The following ATXN7 variants were observed in gnomAD, a reference collection of about 807,000 sequenced individuals.
ATXN7 encodes ataxin 7.
Under a neutral mutation model 70.5 loss-of-function variants are expected in ATXN7, and 12 were observed. That is an observed-to-expected ratio of 0.17 (90% CI 0.11 to 0.28). The LOEUF (loss-of-function observed/expected upper bound fraction) is 0.28, where lower values mean the gene tolerates loss of function less well. Ranked by LOEUF, ATXN7 falls within the 10% of genes least tolerant of loss-of-function variation. The probability of loss-of-function intolerance (pLI) is 1.00; values close to 1 mark genes in which losing one functional copy is unlikely to be tolerated. For missense variants in ATXN7, 1,256 were observed against 1,131.7 expected (o/e 1.11, Z -1.58); for synonymous variants, 498 against 448.7 (o/e 1.11, Z -1.39).
rs114907003 is a variant in ATXN7 at position 63,878,180 on chromosome 3, T to C, written c.-111+14022T>C. 4.4e-3 allele frequency among the ~76,000 whole-genome samples: 667 copies of C among 152,282 alleles called. 6 individuals carry two copies. The highest frequency in any genetic ancestry group is 0.015 in the African/African-American group (618 of 41,552). ...GTCTGAAAAACTAGTAAAAGTGAAG[T>C]GACACACAGGGCAGCTTCCCCAGGC... On this transcript the variant is annotated intron_variant, in intron 1 of 12. Coordinates refer to ENST00000674280, the MANE Select transcript of ATXN7 (RefSeq NM_001377405.1).
intron 4 of ATXN7, among the ~76,000 whole-genome samples, chr3:63,936,791 T>A (rs1448292947): frequency 6.6e-6 from 1 of 152,228 alleles, no homozygotes; most frequent in East Asian, 1.9e-4. Flanking sequence ...TAATGATCTC[T>A]CCTTGAATAC....
Position 63,999,613 on chromosome 3 carries a change from TGTTTTAAC to T in ATXN7, c.*148_*155del. ...CAAGGGTAGAAACCTGCCGGGCTGTTGTTTTAACGAGGATTTCCCTGAAGCTATGTCTC... is the reference window on the plus strand; with the variant it reads ...CAAGGGTAGAAACCTGCCGGGCTGTTGAGGATTTCCCTGAAGCTATGTCTC... On this transcript the variant is annotated 3_prime_UTR_variant, in exon 13 of 13. Transcript: ENST00000674280. The T allele has an allele frequency of 7.0e-7, 1 of 1,429,706 alleles. No individual in the cohort carries two copies. The highest frequency in any genetic ancestry group is 1.7e-4 in the Middle Eastern group (1 of 5,764). 88.6% of individuals were successfully genotyped at this position (1,429,706 alleles called of 1,614,324 possible). A position where few individuals can be genotyped will look rare whatever the true frequency, so the allele number is the denominator to read the frequency against.
chr3:63,945,489 A>G (rs1323917311), intron 4 of ATXN7, among the ~76,000 whole-genome samples: 3 of 152,326 alleles, frequency 2.0e-5, no homozygotes, highest in Non-Finnish European at 4.4e-5. Flanking sequence ...TGAATGGCAT[A>G]CCCAATTCCA....
intron 4 of ATXN7, among the ~76,000 whole-genome samples, chr3:63,943,862 C>G (rs2074811730): frequency 6.6e-6 from 1 of 152,214 alleles, no homozygotes; most frequent in South Asian, 2.1e-4. Flanking sequence ...ATTGTATAGT[C>G]TCTTCCTGTC....
chr3:63,923,425 G>A (rs1704578727), intron 4 of ATXN7, among the ~76,000 whole-genome samples: 1 of 152,202 alleles, frequency 6.6e-6, no homozygotes, highest in African/African-American at 2.4e-5. Context: ...AGGGTAATGA[G>A]TTGGGGTTAG....
At chr3:63,982,150 C>T in intron 6 of ATXN7, 36 bp from the exon 7 acceptor site, 1 of 1,613,088 alleles carries the variant, frequency 6.2e-7, no homozygotes, top group Non-Finnish European at 8.5e-7. Context: ...TGCTGAGGCA[C>T]TCAGGCACTG....
chr3:63,878,495 A>G (rs1702809927), intron 1 of ATXN7: 2 of 152,276 alleles, frequency 1.3e-5, no homozygotes, highest in African/African-American at 4.8e-5. Context: ...TGCAAGATGA[A>G]TAACCATTGT....
chr3:63,902,762 C>G (rs1026846143), intron 2 of ATXN7, among the ~76,000 whole-genome samples: 1 of 152,072 alleles, frequency 6.6e-6, no homozygotes, highest in Non-Finnish European at 1.5e-5. Context: ...GTAGTTTTAT[C>G]AGTCCATGCC....
Position 63,912,840 on chromosome 3 carries a change from G to C in ATXN7, c.242G>C (p.Arg81Pro). 1.9e-6 allele frequency: 3 copies of C among 1,606,820 alleles called. No homozygotes were observed. ...SAAAMATVGE[R>P]RPLPSPEVML... The stretch of plus-strand genomic sequence containing the variant: ...GCCGCAATGGCGACGGTCGGGGAGC[G>C]CAGGCCTCTGCCCAGTCCTGAAGTG... The change falls in exon 3 of 13, where the codon CGC (arginine) becomes CCC (proline). Residue 81 changes from arginine to proline, a missense_variant. Transcript: ENST00000674280.
rs2075500661 is a variant in ATXN7, at chr3:63,982,230, A to G, written c.797A>G (p.Asp266Gly). 3 of 1,614,092 alleles carry G rather than the reference A, an allele frequency of 1.9e-6. No individual in the cohort carries two copies. The highest frequency in any genetic ancestry group is 1.3e-5 in the African/African-American group (1 of 75,030). Reference sequence around the variant, plus strand: ...GTGGAAAAGATTCATCCGAAAATGGATGGCACACTACTGAAATCTGCGGTG... The same window carrying G: ...GTGGAAAAGATTCATCCGAAAATGGGTGGCACACTACTGAAATCTGCGGTG... ...VKVEKIHPKM[D>G]GTLLKSAVGP... Residue 266 changes from aspartate to glycine, a missense_variant, in exon 7 of 13, where the codon GAT (aspartate) becomes GGT (glycine). Coordinates refer to ENST00000674280, the MANE Select transcript of ATXN7 (RefSeq NM_001377405.1).
chr3:63,997,725 G>T, intron 12 of ATXN7: 1 of 1,549,536 alleles, frequency 6.5e-7, no homozygotes, highest in Non-Finnish European at 8.7e-7. Context: ...CCCCTTCCTC[G>T]TCTTCAGAAC....
Position 63,912,727 on chromosome 3 carries a change from G to T in ATXN7, c.129G>T (p.Pro43=). 1 of 1,250,078 alleles carries T rather than the reference G, an allele frequency of 8.0e-7. No individual in the cohort carries two copies. Among genetic ancestry groups the T allele is most frequent in the Non-Finnish European group, 1.0e-6 (1 of 988,356 alleles). The allele number at this position is 1,250,078 out of a possible 1,614,324, so 77.4% of individuals were successfully genotyped here. The stretch of plus-strand genomic sequence containing the variant: ...AGCAGCAGCAGCAGCCGCCGCCTCC[G>T]CAGCCCCAGCGGCAGCAGCACCCGC... ...QQQQQQQPPP[P]QPQRQQHPPP... Residue 43 remains proline (P), a synonymous_variant, in exon 3 of 13, where the codon CCG becomes CCT. Transcript: ENST00000674280.
intron 4 of ATXN7, among the ~76,000 whole-genome samples, chr3:63,924,566 T>C (rs1304360338): frequency 6.6e-6 from 1 of 152,030 alleles, no homozygotes; most frequent in Admixed American, 6.6e-5. Flanking sequence ...ATGAGTGTGA[T>C]GGTGGTGAAT....
At chr3:63,887,979 T>C (rs1703139031) in intron 1 of ATXN7, among the ~76,000 whole-genome samples, 1 of 152,058 alleles carries the variant, frequency 6.6e-6, no homozygotes, top group African/African-American at 2.4e-5. Flanking sequence ...TGCTACCTAC[T>C]CCTTTGTAAG....
intron 1 of ATXN7, among the ~76,000 whole-genome samples, chr3:63,877,152 G>GT (rs1371700184): frequency 2.0e-5 from 3 of 152,134 alleles, no homozygotes; most frequent in Non-Finnish European, 4.4e-5. Context: ...TAGATTTTAA[G>GT]TTTCAAGAAT....
At position 63,923,080 on chromosome 3, in the gene ATXN7, G is replaced by C. The variant is rs533662804; in HGVS notation, c.394+9855G>C. Among the ~76,000 whole-genome samples the C allele has an allele frequency of 1.4e-4, 22 of 152,258 alleles. No homozygotes were observed. The South Asian group carries it at 3.9e-3, about 27-fold the overall frequency. ...CAGTTTCAGACCGTGTCCTTTAGTA[G>C]GCCTCAGTGTATTTTGTTTATTTTG... On this transcript the variant is annotated intron_variant, in intron 4 of 12. Coordinates refer to ENST00000674280, the MANE Select transcript of ATXN7 (RefSeq NM_001377405.1).
chr3:63,935,223 C>T (rs938794046), intron 4 of ATXN7, among the ~76,000 whole-genome samples: 1 of 152,102 alleles, frequency 6.6e-6, no homozygotes, highest in African/African-American at 2.4e-5. Context: ...TCACTTACGG[C>T]GATTCCTGTG....
intron 1 of ATXN7, among the ~76,000 whole-genome samples, chr3:63,892,467 TCACACA>T (rs60819300): frequency 1.1e-4 from 14 of 131,760 alleles, no homozygotes; most frequent in Middle Eastern, 3.9e-3. Flanking sequence ...TATCGCTCCT[TCACACA>T]CACACACACA....
intron 5 of ATXN7, chr3:63,968,378 CAG>C (rs1338978376): frequency 6.0e-6 from 1 of 167,996 alleles, no homozygotes; most frequent in Non-Finnish European, 1.3e-5. Context: ...TATCTCAAAA[CAG>C]AGAGAGTATT....
Sources: gnomAD v4.1 joint callset for allele counts (sites outside exome capture counted in the v4.1 genomes callset) on GRCh38, gnomAD v4.1.1 for gene constraint, MANE v1.5 for transcripts, NCBI Gene and HGNC (gene_info 2026-07-23, HGNC 2026-07-21) for gene names.